Variants in CCSER1 observed in about 807,000 individuals in gnomAD.
CCSER1 encodes coiled-coil serine rich protein 1.
CCSER1 carries 41 observed loss-of-function variants against 82.0 expected under a neutral mutation model. The ratio of observed to expected loss-of-function variants is 0.50; its 90% CI spans 0.39 to 0.65. The LOEUF (loss-of-function observed/expected upper bound fraction) is 0.65, where lower values mean the gene tolerates loss of function less well. Ranked by LOEUF, CCSER1 falls within the 30% of genes least tolerant of loss-of-function variation. The probability of loss-of-function intolerance (pLI) is 0.00; values close to 1 mark genes in which losing one functional copy is unlikely to be tolerated. For missense variants in CCSER1, 1,119 were observed against 1,064.2 expected, an observed-to-expected ratio of 1.05 and a Z score of -0.72; for synonymous variants, 414 against 383.9, an observed-to-expected ratio of 1.08 and a Z score of -0.92.
At chr4:90,921,089 A>G (rs2150241966) in intron 8 of CCSER1, among the ~76,000 whole-genome samples, 1 of 151,824 alleles carries the variant, frequency 6.6e-6, no homozygotes, top group Admixed American at 6.6e-5. Context: ...TTTGTGGTAC[A>G]TTTTCTGTTT....
chr4:90,725,311 A>G (rs115174796), intron 7 of CCSER1, among the ~76,000 whole-genome samples: 1,558 of 151,722 alleles, frequency 0.01, 30 homozygotes, highest in African/African-American at 0.036. Flanking sequence ...ACAGAGGTTA[A>G]AAAAGGTTAG....
chr4:91,575,285 A>G (rs1763395442), intron 10 of CCSER1, among the ~76,000 whole-genome samples: 1 of 152,106 alleles, frequency 6.6e-6, no homozygotes, highest in Non-Finnish European at 1.5e-5. Context: ...CCCAGGAGAA[A>G]AACTCATTGA....
At chr4:90,750,204 A>G (rs896424815) in intron 7 of CCSER1, among the ~76,000 whole-genome samples, 1 of 151,890 alleles carries the variant, frequency 6.6e-6, no homozygotes, top group Admixed American at 6.6e-5. Flanking sequence ...CCTTTGTCAG[A>G]TGAGTAGGTT....
intron 10 of CCSER1, among the ~76,000 whole-genome samples, chr4:91,257,602 A>C (rs1329062995): frequency 6.6e-6 from 1 of 152,206 alleles, no homozygotes; most frequent in Non-Finnish European, 1.5e-5. Flanking sequence ...ACAAAGGAAC[A>C]AAAATTTTGT....
intron 1 of CCSER1, among the ~76,000 whole-genome samples, chr4:90,187,507 A>G (rs1734834861): frequency 6.6e-6 from 1 of 151,800 alleles, no homozygotes; most frequent in Non-Finnish European, 1.5e-5. Flanking sequence ...CCATCGAACC[A>G]TGACATTCTC....
intron 10 of CCSER1, among the ~76,000 whole-genome samples, chr4:91,284,028 G>A (rs1743101704): frequency 6.6e-6 from 1 of 152,044 alleles, no homozygotes; most frequent in Admixed American, 6.6e-5. Context: ...TTATCTGTTT[G>A]TCATTATCCA....
At chr4:91,071,658 T>C (rs1418418525) in intron 9 of CCSER1, among the ~76,000 whole-genome samples, 1 of 152,178 alleles carries the variant, frequency 6.6e-6, no homozygotes. Context: ...CATTCTCTCT[T>C]TTTATGATCT....
chr4:90,410,081 T>C (rs1206108197), intron 4 of CCSER1, among the ~76,000 whole-genome samples: 1 of 152,032 alleles, frequency 6.6e-6, no homozygotes, highest in Non-Finnish European at 1.5e-5. Context: ...GAAGAGGTAA[T>C]TATCCTAAAT....
intron 9 of CCSER1, among the ~76,000 whole-genome samples, chr4:90,975,636 A>G (rs1322683191): frequency 2.6e-5 from 4 of 151,158 alleles, no homozygotes; most frequent in African/African-American, 4.9e-5. Context: ...CCAGGCCATT[A>G]TATTATTAGT....
chr4:91,575,571 C>A (rs926207048), intron 10 of CCSER1, among the ~76,000 whole-genome samples: 1 of 151,802 alleles, frequency 6.6e-6, no homozygotes, highest in Non-Finnish European at 1.5e-5. Context: ...ATAGTTATTT[C>A]CAAAAGTGAT....
intron 8 of CCSER1, among the ~76,000 whole-genome samples, chr4:90,914,069 A>G (rs906118426): frequency 2.6e-5 from 4 of 152,194 alleles, no homozygotes; most frequent in African/African-American, 4.8e-5. Context: ...CCCACTGTCA[A>G]CATTAGACAG....
intron 10 of CCSER1, among the ~76,000 whole-genome samples, chr4:91,503,982 A>G (rs745372936): frequency 6.6e-6 from 1 of 152,304 alleles, no homozygotes; most frequent in East Asian, 1.9e-4. Flanking sequence ...GAGGATTCTT[A>G]TATTCTTTTA....
At chr4:91,079,202 C>T (rs1722393176) in intron 9 of CCSER1, among the ~76,000 whole-genome samples, 1 of 152,166 alleles carries the variant, frequency 6.6e-6, no homozygotes, top group Non-Finnish European at 1.5e-5. Context: ...CAAAGGGAAG[C>T]CCATCAGACT....
At chr4:90,775,172 A>G (rs200381910) in intron 7 of CCSER1, among the ~76,000 whole-genome samples, 1 of 152,150 alleles carries the variant, frequency 6.6e-6, no homozygotes, top group East Asian at 1.9e-4. Flanking sequence ...ATCCTCCTAT[A>G]TAGACCATAT....
At chr4:90,497,347 C>G (rs1048681597) in intron 5 of CCSER1, among the ~76,000 whole-genome samples, 43 of 152,146 alleles carry the variant, frequency 2.8e-4, no homozygotes, top group African/African-American at 9.6e-4. Context: ...TTGTATTTAC[C>G]TGTTAGATAA....
intron 10 of CCSER1, among the ~76,000 whole-genome samples, chr4:91,419,932 C>G: frequency 6.6e-6 from 1 of 151,916 alleles, no homozygotes; most frequent in East Asian, 1.9e-4. Flanking sequence ...ACAAGAGCAC[C>G]AAGAATACAC....
At chr4:91,230,039 C>G (rs1581809366) in intron 10 of CCSER1, among the ~76,000 whole-genome samples, 1 of 151,950 alleles carries the variant, frequency 6.6e-6, no homozygotes, top group East Asian at 1.9e-4. Context: ...AATATTCATT[C>G]GAGTACTAAA....
intron 10 of CCSER1, among the ~76,000 whole-genome samples, chr4:91,545,547 CTAATA>C (rs1208701927): frequency 6.6e-6 from 1 of 152,046 alleles, no homozygotes; most frequent in African/African-American, 2.4e-5. Context: ...TTTGTGGATG[CTAATA>C]TAAATAGTAA....
chr4:91,025,403 A>T (rs892139878), intron 9 of CCSER1, among the ~76,000 whole-genome samples: 7 of 152,074 alleles, frequency 4.6e-5, no homozygotes, highest in African/African-American at 1.4e-4. Context: ...CACTTCATTC[A>T]TTCTTTCTCC....
Sources: allele counts gnomAD v4.1 joint callset (sites outside exome capture counted in the v4.1 genomes callset), GRCh38; gene constraint gnomAD v4.1.1; transcripts MANE v1.5; gene names NCBI Gene and HGNC (gene_info 2026-07-23, HGNC 2026-07-21).